Variants in PRPSAP2 observed in about 807,000 individuals in gnomAD.
PRPSAP2 encodes phosphoribosyl pyrophosphate synthetase associated protein 2, also known as phosphoribosyl pyrophosphate synthase-associated protein 2.
Under a neutral mutation model 40.6 loss-of-function variants are expected in PRPSAP2, and 24 were observed. That is an observed-to-expected ratio of 0.59 (90% CI 0.43 to 0.83). PRPSAP2 has a LOEUF of 0.83. Ranked by LOEUF, PRPSAP2 falls within the 40% of genes least tolerant of loss-of-function variation. The pLI, the probability that PRPSAP2 is intolerant of heterozygous loss-of-function variation, is 0.00. For missense variants in PRPSAP2, 292 were observed against 465.6 expected (o/e 0.63, Z 3.43); for synonymous variants, 149 against 164.7 (o/e 0.90, Z 0.73).
At chr17:18,872,968 G>A (rs557326762) in intron 5 of PRPSAP2, among the ~76,000 whole-genome samples, 5 of 150,696 alleles carry the variant, frequency 3.3e-5, no homozygotes, top group Non-Finnish European at 7.4e-5. Flanking sequence ...TCAGCCTCCC[G>A]AGTAGCTGGT....
rs995291171 is a variant in PRPSAP2 at position 18,890,180 on chromosome 17, A to T, written c.584+303A>T. On this transcript the variant is annotated intron_variant, in intron 8 of 11. Transcript: ENST00000268835. ...ATTATTTATTTTATTTTATTTCTTT[A>T]TTTTTTGAGATGGAGTTTCGCTCTT... is the stretch of plus-strand genomic sequence containing the variant. Among the ~76,000 whole-genome samples the T allele has an allele frequency of 6.2e-5, 9 of 145,910 alleles. No individual in the cohort carries two copies. The South Asian group carries it at 1.3e-3, about 21-fold the overall frequency.
At chr17:18,877,576 T>A (rs1264041674) in intron 5 of PRPSAP2, 122 bp from the exon 6 acceptor site, 1 of 804,882 alleles carries the variant, frequency 1.2e-6, no homozygotes, top group Non-Finnish European at 1.8e-6. Context: ...TATTGGTTGG[T>A]TTTTTTCTGC....
chr17:18,924,675 G>A (rs2041874389), intron 10 of PRPSAP2, among the ~76,000 whole-genome samples: 1 of 151,608 alleles, frequency 6.6e-6, no homozygotes, highest in African/African-American at 2.4e-5. Flanking sequence ...AGGCTGAGGC[G>A]GGAGGATCAC....
intron 3 of PRPSAP2, 25 bp from the exon 4 acceptor site, chr17:18,867,257 C>CT: frequency 1.9e-6 from 3 of 1,612,190 alleles, no homozygotes; most frequent in Non-Finnish European, 2.5e-6. Flanking sequence ...ACTTTTTCAG[C>CT]TTTTTCCCCC....
At chr17:18,859,204 G>A (rs2036821558) in intron 1 of PRPSAP2, 1 of 152,126 alleles carries the variant, frequency 6.6e-6, no homozygotes, top group Admixed American at 6.5e-5. Flanking sequence ...ATAATTACCC[G>A]AAGTGGAAAT....
At chr17:18,866,400 TAA>T (rs902261028) in intron 3 of PRPSAP2, among the ~76,000 whole-genome samples, 2 of 152,108 alleles carry the variant, frequency 1.3e-5, no homozygotes, top group Admixed American at 1.3e-4. Flanking sequence ...CCGCGTCTAC[TAA>T]AAATACAAAA....
chr17:18,896,194 T>C, intron 8 of PRPSAP2, among the ~76,000 whole-genome samples: 1 of 152,220 alleles, frequency 6.6e-6, no homozygotes, highest in East Asian at 1.9e-4. Flanking sequence ...TTGTTGTTGC[T>C]GTTGTTTCTG....
In PRPSAP2 at chr17:18,877,886, G is replaced by A. The variant is rs1304699460; in HGVS notation, c.412+16G>A. ...TGCAAAGCTGGTAAGAATGGCAGAT[G>A]TTTCACAATTAATTGGGGGCCTGGG... On this transcript the variant is annotated intron_variant, in intron 6 of 11. Transcript: ENST00000268835. 5.1e-6 allele frequency: 8 copies of A among 1,574,062 alleles called. No homozygotes were observed. The highest frequency in any genetic ancestry group is 1.4e-5 in the African/African-American group (1 of 72,754).
intron 5 of PRPSAP2, among the ~76,000 whole-genome samples, chr17:18,875,539 T>C (rs1158990994): frequency 6.6e-6 from 1 of 150,412 alleles, no homozygotes; most frequent in Non-Finnish European, 1.5e-5. Flanking sequence ...GATTCCAGCC[T>C]GGGTAAAAGA....
chr17:18,924,105 T>C (rs922994560), intron 10 of PRPSAP2, 121 bp downstream of exon 10: 2 of 906,892 alleles, frequency 2.2e-6, no homozygotes, highest in African/African-American at 3.4e-5. Flanking sequence ...AGTGGCACAA[T>C]CTCGGCTCAC....
intron 1 of PRPSAP2, among the ~76,000 whole-genome samples, chr17:18,863,090 G>A (rs2151876734): frequency 6.6e-6 from 1 of 152,092 alleles, no homozygotes; most frequent in Non-Finnish European, 1.5e-5. Flanking sequence ...AAAGTGCTGG[G>A]ATTACAGGCA....
intron 8 of PRPSAP2, among the ~76,000 whole-genome samples, chr17:18,899,941 C>T (rs2040161712): frequency 6.6e-6 from 1 of 151,860 alleles, no homozygotes; most frequent in Non-Finnish European, 1.5e-5. Flanking sequence ...GGCTGGAGTA[C>T]AGTGGTGTTA....
At chr17:18,881,603 C>T (rs1457296150) in intron 6 of PRPSAP2, among the ~76,000 whole-genome samples, 1 of 151,698 alleles carries the variant, frequency 6.6e-6, no homozygotes, top group Non-Finnish European at 1.5e-5. Flanking sequence ...GTGGCTCAAT[C>T]TCAGCTCACT....
intron 1 of PRPSAP2, among the ~76,000 whole-genome samples, chr17:18,861,998 C>T (rs2037059234): frequency 6.6e-6 from 1 of 152,178 alleles, no homozygotes; most frequent in African/African-American, 2.4e-5. Context: ...AGCGATTCAC[C>T]TGCCTCAGCC....
At chr17:18,907,325 T>TA (rs1476043710) in intron 8 of PRPSAP2, among the ~76,000 whole-genome samples, 1 of 152,138 alleles carries the variant, frequency 6.6e-6, no homozygotes, top group Non-Finnish European at 1.5e-5. Flanking sequence ...TTCCTAATGA[T>TA]AAAGGGGTCA....
intron 8 of PRPSAP2, among the ~76,000 whole-genome samples, chr17:18,910,531 C>G (rs575709372): frequency 0.18 from 27,301 of 152,112 alleles, 2,688 homozygotes; most frequent in African/African-American, 0.25. Flanking sequence ...CCTGGGGCAA[C>G]ACTTAGTGAA....
intron 6 of PRPSAP2, 58 bp from the exon 7 acceptor site, chr17:18,882,510 T>TAAAA: frequency 3.1e-6 from 3 of 956,920 alleles, no homozygotes; most frequent in Non-Finnish European, 4.6e-6. Context: ...GATCCCATCT[T>TAAAA]AAAAAAAAAA....
chr17:18,914,344 A>C (rs953286562), intron 9 of PRPSAP2, among the ~76,000 whole-genome samples: 1 of 117,398 alleles, frequency 8.5e-6, no homozygotes, highest in African/African-American at 3.3e-5. Flanking sequence ...TGCAGCCTCC[A>C]CCTCCCGGGC....
At chr17:18,896,069 C>G (rs140627139) in intron 8 of PRPSAP2, among the ~76,000 whole-genome samples, 1 of 152,164 alleles carries the variant, frequency 6.6e-6, no homozygotes, top group African/African-American at 2.4e-5. Flanking sequence ...CCATGCCCGG[C>G]CCATATTTTC....
Sources: gnomAD v4.1 joint callset for allele counts (sites outside exome capture counted in the v4.1 genomes callset) on GRCh38, gnomAD v4.1.1 for gene constraint, MANE v1.5 for transcripts, NCBI Gene and HGNC (gene_info 2026-07-23, HGNC 2026-07-21) for gene names.